MICU1: variants seen among roughly 807,000 people sequenced by gnomAD.
MICU1 encodes mitochondrial calcium uptake 1.
A neutral mutation model predicts 56.8 loss-of-function variants in MICU1; 45 were observed. The ratio of observed to expected loss-of-function variants is 0.79; its 90% CI spans 0.62 to 1.02. The LOEUF (loss-of-function observed/expected upper bound fraction) is 1.02, where lower values mean the gene tolerates loss of function less well. Ranked by LOEUF, MICU1 falls within the 50% of genes least tolerant of loss-of-function variation. The probability of loss-of-function intolerance (pLI) is 0.00; values close to 1 mark genes in which losing one functional copy is unlikely to be tolerated. For missense variants in MICU1, 504 were observed against 587.1 expected, an observed-to-expected ratio of 0.86 and a Z score of 1.46; for synonymous variants, 186 against 195.1, an observed-to-expected ratio of 0.95 and a Z score of 0.39.
At chr10:72,514,369 G>A (rs1325937299) in intron 5 of MICU1, among the ~76,000 whole-genome samples, 1 of 151,746 alleles carries the variant, frequency 6.6e-6, no homozygotes, top group African/African-American at 2.4e-5. Flanking sequence ...TGATTGGGCT[G>A]TAATTTATTG....
chr10:72,475,856 C>T (rs149622163), intron 7 of MICU1: 1 of 456,602 alleles, frequency 2.2e-6, no homozygotes, highest in Non-Finnish European at 4.4e-6. Flanking sequence ...ACACAGACAG[C>T]CTGACAACTT....
intron 10 of MICU1, among the ~76,000 whole-genome samples, chr10:72,386,155 G>A (rs945245480): frequency 1.8e-4 from 28 of 152,176 alleles, no homozygotes; most frequent in African/African-American, 6.8e-4. Context: ...AAACTGGCCA[G>A]TGGGGAAGGC....
rs58696519 is a variant in MICU1 at position 72,427,733 on chromosome 10, A to AATATAT, written c.934-4368_934-4363dup. ...TCAGCATCATAGACCCCATCTCTAA[A>AATATAT]ATATATATATATATATATATATATA... On this transcript the variant is annotated intron_variant, in intron 8 of 11. Transcript: ENST00000361114. 3.5e-3 allele frequency among the ~76,000 whole-genome samples: 471 copies of AATATAT among 136,194 alleles called. 4 individuals are homozygous for AATATAT. The highest frequency in any genetic ancestry group is 7.7e-3 in the South Asian group (31 of 4,026). 89.3% of individuals were successfully genotyped at this position (136,194 alleles called of 152,430 possible).
chr10:72,607,936 G>A (rs1589386666), intron 1 of MICU1, among the ~76,000 whole-genome samples: 1 of 152,300 alleles, frequency 6.6e-6, no homozygotes, highest in East Asian at 1.9e-4. Flanking sequence ...ATTGGTTAGG[G>A]TGGGAAACAA....
chr10:72,539,962 G>A (rs1839729676), intron 4 of MICU1, among the ~76,000 whole-genome samples: 1 of 152,054 alleles, frequency 6.6e-6, no homozygotes, highest in South Asian at 2.1e-4. Flanking sequence ...TCCAGTTCCA[G>A]GTATATGCTG....
chr10:72,509,937 A>C (rs1262456996), intron 5 of MICU1, among the ~76,000 whole-genome samples: 2 of 152,218 alleles, frequency 1.3e-5, no homozygotes, highest in Non-Finnish European at 2.9e-5. Flanking sequence ...CTGCAAAGGT[A>C]AACTATGTGA....
chr10:72,559,079 T>A (rs1259114644), intron 3 of MICU1, among the ~76,000 whole-genome samples: 1 of 152,150 alleles, frequency 6.6e-6, no homozygotes, highest in Non-Finnish European at 1.5e-5. Context: ...TCCTCTCTAT[T>A]CCAGAGGCTG....
At chr10:72,494,520 G>A (rs946873990) in intron 6 of MICU1, among the ~76,000 whole-genome samples, 1 of 152,064 alleles carries the variant, frequency 6.6e-6, no homozygotes, top group African/African-American at 2.4e-5. Flanking sequence ...ACATAGGATG[G>A]TTACTATAAG....
At chr10:72,589,150 G>A (rs753449714) in intron 1 of MICU1, among the ~76,000 whole-genome samples, 2 of 152,052 alleles carry the variant, frequency 1.3e-5, no homozygotes, top group Non-Finnish European at 2.9e-5. Context: ...TTAGCTGGGC[G>A]TGGTGGCAGG....
chr10:72,526,064 G>C (rs1436989250), intron 5 of MICU1, among the ~76,000 whole-genome samples: 1 of 151,774 alleles, frequency 6.6e-6, no homozygotes, highest in East Asian at 1.9e-4. Context: ...AAATATTTCA[G>C]ATACCAAAGC....
chr10:72,572,746 A>G (rs1840642782), intron 1 of MICU1, among the ~76,000 whole-genome samples: 1 of 152,146 alleles, frequency 6.6e-6, no homozygotes, highest in Non-Finnish European at 1.5e-5. Context: ...AAATAATGCA[A>G]ATTAAACCTA....
rs577808929 is a variant in MICU1, at chr10:72,419,474, C to T, written c.1071+3760G>A. On this transcript the variant is annotated intron_variant, in intron 9 of 11. Coordinates refer to ENST00000361114, the MANE Select transcript of MICU1 (RefSeq NM_001195518.2). ...AGCTGACACTTCCTCTCAGAGCCAG[C>T]CTGCCCTCATTTGCAGCCCACAGCC... is the stretch of plus-strand genomic sequence containing the variant. Among the ~76,000 whole-genome samples the T allele has an allele frequency of 1.6e-4, 25 of 152,312 alleles. No homozygotes were observed. In the East Asian group the frequency reaches 4.4e-3, roughly 27 times the overall value.
chr10:72,495,370 T>G (rs1373672303), intron 6 of MICU1, among the ~76,000 whole-genome samples: 1 of 152,168 alleles, frequency 6.6e-6, no homozygotes, highest in Non-Finnish European at 1.5e-5. Context: ...AACTAGCTAC[T>G]TTAGGCTGGG....
chr10:72,583,735 C>G (rs755031208), intron 1 of MICU1, among the ~76,000 whole-genome samples: 1 of 152,118 alleles, frequency 6.6e-6, no homozygotes. Flanking sequence ...TTTAATTATG[C>G]CAAATCATTT....
At chr10:72,405,362 G>A (rs1378574303) in intron 10 of MICU1, among the ~76,000 whole-genome samples, 2 of 151,938 alleles carry the variant, frequency 1.3e-5, no homozygotes, top group Admixed American at 1.3e-4. Flanking sequence ...TGGGATTACA[G>A]ACACCTACCA....
intron 10 of MICU1, among the ~76,000 whole-genome samples, chr10:72,405,123 G>A (rs1395818759): frequency 1.3e-5 from 2 of 152,092 alleles, no homozygotes; most frequent in African/African-American, 2.4e-5. Context: ...TGGCGAGGCT[G>A]GTCTTGAACT....
intron 8 of MICU1, among the ~76,000 whole-genome samples, chr10:72,434,139 A>G (rs7095797): frequency 0.65 from 98,344 of 151,816 alleles, 33,028 homozygotes; most frequent in African/African-American, 0.77. Context: ...CAGTTCCAAA[A>G]CAAAGAAGGC....
chr10:72,456,864 TG>T (rs1865478048), intron 8 of MICU1, among the ~76,000 whole-genome samples: 1 of 25,580 alleles, frequency 3.9e-5, no homozygotes, highest in Non-Finnish European at 1.2e-4. Flanking sequence ...TGTGTGTGTG[TG>T]TGTGTGTGTG....
chr10:72,588,169 T>C (rs747734172), intron 1 of MICU1, among the ~76,000 whole-genome samples: 1 of 152,100 alleles, frequency 6.6e-6, no homozygotes, highest in Non-Finnish European at 1.5e-5. Context: ...CCCTCTTCTC[T>C]CTCTCCTGCT....
Sources: allele counts gnomAD v4.1 joint callset (sites outside exome capture counted in the v4.1 genomes callset), GRCh38; gene constraint gnomAD v4.1.1; transcripts MANE v1.5; gene names NCBI Gene and HGNC (gene_info 2026-07-23, HGNC 2026-07-21).